Variants in WDR17 observed in about 807,000 individuals in gnomAD.
The protein encoded by WDR17 is WD repeat domain 17.
A neutral mutation model predicts 161.7 loss-of-function variants in WDR17; 143 were observed. The observed-to-expected ratio is 0.88, with a 90% CI of 0.77 to 1.02. The LOEUF is 1.02. WDR17 is among the 50% of genes least tolerant of loss of function. The pLI is 0.00. For missense variants in WDR17, 1,469 were observed against 1,520.9 expected, an observed-to-expected ratio of 0.97 and a Z score of 0.57; for synonymous variants, 517 against 515.6, an observed-to-expected ratio of 1.00 and a Z score of -0.04.
intron 1 of WDR17, among the ~76,000 whole-genome samples, chr4:176,072,622 T>A (rs34581859): frequency 0.52 from 79,324 of 151,840 alleles, 22,130 homozygotes; most frequent in South Asian, 0.63. Context: ...ATGATTTTTT[T>A]AAAATTCCTT....
intron 19 of WDR17, 91 bp from the exon 20 acceptor site, chr4:176,160,816 ATTAT>A (rs1748919317): frequency 3.0e-6 from 3 of 994,476 alleles, no homozygotes; most frequent in East Asian, 2.6e-5. Flanking sequence ...AATTTCAAAC[ATTAT>A]TTAAGTATAC....
intron 8 of WDR17, 151 bp from the exon 9 acceptor site, chr4:176,137,369 T>A: frequency 1.8e-6 from 1 of 569,800 alleles, no homozygotes; most frequent in Non-Finnish European, 3.0e-6. Flanking sequence ...TTATTTTATC[T>A]ATAATTTTAT....
chr4:176,122,211 C>T (rs1024773570), intron 4 of WDR17, among the ~76,000 whole-genome samples: 5 of 152,114 alleles, frequency 3.3e-5, no homozygotes, highest in African/African-American at 7.2e-5. Flanking sequence ...CACGTGGCAT[C>T]CCTGCTGTGT....
Position 176,160,191 on chromosome 4 carries a change from G to A in WDR17, c.2658+65G>A, listed in dbSNP as rs116136838. 5.1e-3 allele frequency: 8,019 copies of A among 1,578,100 alleles called. 32 individuals carry two copies. The highest frequency in any genetic ancestry group is 6.5e-3 in the Non-Finnish European group (7,531 of 1,158,166). Reference sequence around the variant, plus strand: ...TTGAGCATGTAGAAGGGAGAAGGTTGTGTTGACTGGCTCACCCTTACATAA... The same window carrying A: ...TTGAGCATGTAGAAGGGAGAAGGTTATGTTGACTGGCTCACCCTTACATAA... On this transcript the variant is annotated intron_variant, in intron 19 of 28. Coordinates refer to ENST00000508596, the MANE Select transcript of WDR17 (RefSeq NM_181265.4).
intron 4 of WDR17, among the ~76,000 whole-genome samples, chr4:176,120,314 AT>A (rs1561130239): frequency 4.8e-5 from 7 of 144,600 alleles, no homozygotes; most frequent in African/African-American, 1.0e-4. Flanking sequence ...ATATATATAT[AT>A]ATATAATACA....
Position 176,071,278 on chromosome 4 carries a change from C to G in WDR17, c.-7+5199C>G, listed in dbSNP as rs1177381751. Among the ~76,000 whole-genome samples, 3 of 151,526 alleles carry G rather than the reference C, an allele frequency of 2.0e-5. No homozygotes were observed. The East Asian group carries it at 5.8e-4, about 29-fold the overall frequency. On this transcript the variant is annotated intron_variant, in intron 1 of 28. Coordinates refer to ENST00000508596, the MANE Select transcript of WDR17 (RefSeq NM_181265.4). The stretch of plus-strand genomic sequence containing the variant: ...CAATGGAATATTTACTTCAAAAATT[C>G]TTAGTTTATAATTGAAAATATGTGA...
intron 1 of WDR17, among the ~76,000 whole-genome samples, chr4:176,076,254 T>TATATATAC (rs1484407765): frequency 6.7e-5 from 4 of 59,518 alleles, no homozygotes; most frequent in Admixed American, 1.6e-4. Flanking sequence ...TATATATATA[T>TATATATAC]ACACACACAC....
Position 176,172,466 on chromosome 4 carries a change from TAAGTC to T in WDR17, c.3198_3202del (p.Ser1066ArgfsTer3). The T allele has an allele frequency of 6.2e-7, 1 of 1,610,558 alleles. No individual in the cohort carries two copies. Among genetic ancestry groups the T allele is most frequent in the Non-Finnish European group, 8.5e-7 (1 of 1,179,172 alleles). Reference sequence around the variant, plus strand: ...TTTGAAACTGTAAAATATTACTTGTTAAGTCAAGAACCTGAAAAAGCCCTTCCTAT... The same window carrying T: ...TTTGAAACTGTAAAATATTACTTGTTAAGAACCTGAAAAAGCCCTTCCTAT... On this transcript the variant is annotated frameshift_variant, in exon 24 of 29. Transcript: ENST00000508596. LOFTEE classifies it high-confidence loss of function.
chr4:176,100,341 A>G (rs183135960), intron 1 of WDR17, among the ~76,000 whole-genome samples: 8 of 152,250 alleles, frequency 5.3e-5, no homozygotes, highest in African/African-American at 1.9e-4. Flanking sequence ...AGTGATGTTG[A>G]GCATTTTTTC....
At chr4:176,157,691 T>G (rs886502747) in intron 18 of WDR17, among the ~76,000 whole-genome samples, 19 of 152,256 alleles carry the variant, frequency 1.2e-4, no homozygotes, top group Admixed American at 1.2e-3. Context: ...CGTGTTAATA[T>G]TGCAGAATAA....
intron 17 of WDR17, among the ~76,000 whole-genome samples, chr4:176,152,782 A>G (rs1396878273): frequency 4.8e-5 from 7 of 146,340 alleles, no homozygotes; most frequent in Admixed American, 2.8e-4. Context: ...TAAAAATATA[A>G]AAATTAGCCC....
At chr4:176,147,160 T>G (rs1013189761) in intron 12 of WDR17, among the ~76,000 whole-genome samples, 6 of 152,104 alleles carry the variant, frequency 3.9e-5, no homozygotes, top group African/African-American at 1.4e-4. Flanking sequence ...CCCCTGCGCC[T>G]GGCCGAAATG....
chr4:176,138,591 T>G (rs1744768494), intron 9 of WDR17, among the ~76,000 whole-genome samples: 1 of 151,802 alleles, frequency 6.6e-6, no homozygotes, highest in Non-Finnish European at 1.5e-5. Context: ...CAACAATTTA[T>G]TCCATAATAA....
intron 3 of WDR17, among the ~76,000 whole-genome samples, chr4:176,117,525 G>C (rs1740838176): frequency 6.6e-6 from 1 of 152,040 alleles, no homozygotes; most frequent in Non-Finnish European, 1.5e-5. Flanking sequence ...TTTTGCAGAA[G>C]TAATGATTAA....
chr4:176,070,673 T>G (rs1733113673), intron 1 of WDR17, among the ~76,000 whole-genome samples: 1 of 151,704 alleles, frequency 6.6e-6, no homozygotes, highest in Non-Finnish European at 1.5e-5. Context: ...ACCACCACTC[T>G]TGGCTAATTT....
rs760882513 is a variant in WDR17, at chr4:176,174,629, G to A, written c.3360G>A (p.Glu1120=). 1.9e-6 allele frequency: 3 copies of A among 1,607,462 alleles called. No individual in the cohort carries two copies. The African/African-American group carries it at 4.0e-5, about 22-fold the overall frequency. ...TATTCTCTTTTAGAGCTCGAAATGA[G>A]TTGCTGATATTATGTGGTTACATTG... is the stretch of plus-strand genomic sequence containing the variant. The part of the protein sequence containing the change: ...LLHTCTEARN[E]LLILCGYIGA... Residue 1120 remains glutamate (E), a synonymous_variant, in exon 26 of 29, where the codon GAG becomes GAA. Transcript: ENST00000508596.
chr4:176,069,735 A>C (rs1354271274), intron 1 of WDR17, among the ~76,000 whole-genome samples: 1 of 152,194 alleles, frequency 6.6e-6, no homozygotes, highest in Non-Finnish European at 1.5e-5. Context: ...CATATCACGC[A>C]CACAGAAAAC....
At chr4:176,069,671 T>G (rs1054947754) in intron 1 of WDR17, among the ~76,000 whole-genome samples, 1 of 152,146 alleles carries the variant, frequency 6.6e-6, no homozygotes, top group Non-Finnish European at 1.5e-5. Context: ...GTTGTAAGCA[T>G]GTACCAGTGT....
intron 18 of WDR17, among the ~76,000 whole-genome samples, chr4:176,157,678 C>G (rs1748375207): frequency 6.6e-6 from 1 of 152,192 alleles, no homozygotes; most frequent in African/African-American, 2.4e-5. Context: ...AGTGGAGTCA[C>G]TCCGTGTTAA....
Sources: allele counts gnomAD v4.1 joint callset (sites outside exome capture counted in the v4.1 genomes callset), GRCh38; gene constraint gnomAD v4.1.1; transcripts MANE v1.5; gene names NCBI Gene and HGNC (gene_info 2026-07-23, HGNC 2026-07-21).